The following MKLN1 variants were observed in gnomAD, a reference collection of about 807,000 sequenced individuals.
The protein encoded by MKLN1 is muskelin 1.
A neutral mutation model predicts 99.0 loss-of-function variants in MKLN1; 18 were observed. That is an observed-to-expected ratio of 0.18 (90% CI 0.13 to 0.27). The LOEUF is 0.27. Among genes scored for constraint, MKLN1 ranks in the 10% least tolerant of loss-of-function variants. MKLN1 has a pLI of 1.00. For synonymous variants in MKLN1, 288 were observed against 293.2 expected (o/e 0.98, Z 0.18); for missense variants, 621 against 875.9 (o/e 0.71, Z 3.67).
intron 3 of MKLN1, among the ~76,000 whole-genome samples, chr7:131,212,307 A>G (rs570772069): frequency 3.9e-5 from 6 of 152,354 alleles, no homozygotes; most frequent in Admixed American, 3.9e-4. Context: ...GGATAGGACC[A>G]TGGACAGAGG....
intron 12 of MKLN1, among the ~76,000 whole-genome samples, chr7:131,453,800 C>G (rs1259243196): frequency 6.6e-6 from 1 of 152,002 alleles, no homozygotes; most frequent in Non-Finnish European, 1.5e-5. Flanking sequence ...GCAATTAAGA[C>G]AAAGCTTATT....
chr7:131,359,433 T>C (rs1799966069), intron 1 of MKLN1, among the ~76,000 whole-genome samples: 2 of 152,158 alleles, frequency 1.3e-5, no homozygotes, highest in Admixed American at 6.5e-5. Flanking sequence ...GTGAATATCC[T>C]TGTGTGAGCT....
At chr7:131,387,620 C>G (rs1037146446) in intron 3 of MKLN1, among the ~76,000 whole-genome samples, 3 of 151,926 alleles carry the variant, frequency 2.0e-5, no homozygotes, top group African/African-American at 7.3e-5. Context: ...ATCCAAAACA[C>G]TAAGATTAAT....
intron 1 of MKLN1, among the ~76,000 whole-genome samples, chr7:131,354,164 A>G (rs762097090): frequency 5.3e-5 from 8 of 152,084 alleles, no homozygotes; most frequent in Non-Finnish European, 1.2e-4. Context: ...TCTAAAAGAA[A>G]TCTTGCTGGG....
intron 3 of MKLN1, among the ~76,000 whole-genome samples, chr7:131,240,352 C>T (rs6970841): frequency 0.15 from 23,036 of 151,992 alleles, 2,011 homozygotes; most frequent in African/African-American, 0.24. Flanking sequence ...TACTAGTAAT[C>T]GTGTCTAACA....
intron 2 of MKLN1, among the ~76,000 whole-genome samples, chr7:131,384,571 T>C (rs920866648): frequency 9.2e-5 from 14 of 152,290 alleles, no homozygotes; most frequent in African/African-American, 3.4e-4. Flanking sequence ...CCTCCAGAAC[T>C]ATGAGAAAAT....
intron 3 of MKLN1, among the ~76,000 whole-genome samples, chr7:131,252,766 T>G (rs886776104): frequency 6.6e-6 from 1 of 152,060 alleles, no homozygotes; most frequent in African/African-American, 2.4e-5. Flanking sequence ...GGTCAAGTGG[T>G]TTATTTTGAT....
intron 15 of MKLN1, among the ~76,000 whole-genome samples, chr7:131,470,573 TTTAAG>T (rs1194764676): frequency 2.6e-5 from 4 of 152,198 alleles, no homozygotes; most frequent in African/African-American, 9.7e-5. Context: ...ACCTTGTAGT[TTTAAG>T]AGAAGATAGG....
intron 3 of MKLN1, among the ~76,000 whole-genome samples, chr7:131,307,827 T>C (rs1174693074): frequency 1.3e-5 from 2 of 152,200 alleles, no homozygotes; most frequent in Non-Finnish European, 2.9e-5. Flanking sequence ...TGTGACCTTT[T>C]GAGTTAATGC....
intron 3 of MKLN1, among the ~76,000 whole-genome samples, chr7:131,320,889 A>C (rs1054514058): frequency 3.9e-5 from 6 of 152,174 alleles, no homozygotes; most frequent in African/African-American, 1.4e-4. Flanking sequence ...GATACTATCT[A>C]ATACCAGTTA....
At chr7:131,386,108 G>A (rs1254191946) in intron 2 of MKLN1, among the ~76,000 whole-genome samples, 2 of 151,506 alleles carry the variant, frequency 1.3e-5, no homozygotes, top group Non-Finnish European at 2.9e-5. Context: ...CCATCTCTAG[G>A]GTTCAAGCAA....
At chr7:131,314,704 G>C (rs941490975) in intron 3 of MKLN1, among the ~76,000 whole-genome samples, 2 of 152,026 alleles carry the variant, frequency 1.3e-5, no homozygotes, top group Admixed American at 6.6e-5. Flanking sequence ...TTACAGGCTT[G>C]AGCCACCGCG....
chr7:131,430,005 A>G (rs963145910), intron 9 of MKLN1, among the ~76,000 whole-genome samples: 15 of 152,244 alleles, frequency 9.9e-5, no homozygotes, highest in African/African-American at 3.6e-4. Flanking sequence ...AATTAAGTGC[A>G]TGATTATATC....
In MKLN1 at chr7:131,242,437, G is replaced by A. The variant is rs565578378; in HGVS notation, c.-179+39463G>A. Among the ~76,000 whole-genome samples the A allele has an allele frequency of 8.9e-4, 135 of 152,286 alleles. 1 individual carries two copies. Among genetic ancestry groups the A allele is most frequent in the African/African-American group, 3.0e-3 (124 of 41,548 alleles). ...TGTAGTCCCGGCTACTCAGGAGGCT[G>A]ACGTGTGAGGATCCCTTGAGCCCAG... is the stretch of plus-strand genomic sequence containing the variant. On this transcript the variant is annotated intron_variant, in intron 3 of 7. Coordinates refer to the MKLN1 transcript ENST00000416992.
At chr7:131,230,919 G>A (rs1048690205) in intron 3 of MKLN1, among the ~76,000 whole-genome samples, 14 of 151,828 alleles carry the variant, frequency 9.2e-5, no homozygotes, top group Admixed American at 2.6e-4. Flanking sequence ...TCAGGAGTTC[G>A]AGACCAACCT....
chr7:131,212,659 C>T (rs1379776296), intron 3 of MKLN1, among the ~76,000 whole-genome samples: 1 of 152,234 alleles, frequency 6.6e-6, no homozygotes, highest in African/African-American at 2.4e-5. Context: ...CGCAGTGGCT[C>T]ACGCCTGTAA....
intron 4 of MKLN1, among the ~76,000 whole-genome samples, chr7:131,389,857 C>G (rs1794146830): frequency 6.6e-6 from 1 of 151,520 alleles, no homozygotes; most frequent in African/African-American, 2.4e-5. Context: ...CCACTGCACT[C>G]CAGCCTGGGA....
intron 3 of MKLN1, among the ~76,000 whole-genome samples, chr7:131,237,260 C>T (rs1003558909): frequency 1.1e-4 from 17 of 152,114 alleles, no homozygotes; most frequent in Non-Finnish European, 1.8e-4. Context: ...CGTTTCCAGG[C>T]GGATTTACAT....
intron 2 of MKLN1, among the ~76,000 whole-genome samples, chr7:131,174,042 G>A (rs1209244519): frequency 2.8e-5 from 4 of 145,160 alleles, no homozygotes; most frequent in African/African-American, 7.7e-5. Context: ...GGCACGATTC[G>A]GCTCACTGCA....
Sources: gnomAD v4.1 joint callset for allele counts (sites outside exome capture counted in the v4.1 genomes callset) on GRCh38, gnomAD v4.1.1 for gene constraint, MANE v1.5 for transcripts, NCBI Gene and HGNC (gene_info 2026-07-23, HGNC 2026-07-21) for gene names.